RHPN2: variants seen among roughly 807,000 people sequenced by gnomAD.
The protein encoded by RHPN2 is rhophilin Rho GTPase binding protein 2.
In RHPN2, 40 loss-of-function variants were observed where a neutral mutation model predicts 79.0. The ratio of observed to expected loss-of-function variants is 0.51; its 90% CI spans 0.39 to 0.66. The LOEUF (loss-of-function observed/expected upper bound fraction) is 0.66. RHPN2 is among the 30% of genes least tolerant of loss of function. The probability of loss-of-function intolerance (pLI) is 0.00; values close to 1 mark genes in which losing one functional copy is unlikely to be tolerated. For synonymous variants in RHPN2, 285 were observed against 363.5 expected, an observed-to-expected ratio of 0.78 and a Z score of 2.46; for missense variants, 686 against 883.5, an observed-to-expected ratio of 0.78 and a Z score of 2.83.
chr19:33,044,325 G>A lies in RHPN2; in HGVS notation c.109C>T (p.Gln37Ter), dbSNP rs193052485. The change falls in exon 2 of 15, where the codon CAG becomes TAG. Residue 37 changes from glutamine (Q) to a stop codon, truncating the protein, a stop_gained. Coordinates refer to ENST00000254260, the MANE Select transcript of RHPN2 (RefSeq NM_033103.5). LOFTEE classifies it high-confidence loss of function. ...PLAQTGRSKL[Q>*]NQRAALNQQI... Reference sequence around the variant, plus strand: ...TGATTCAAAGCAGCTCTTTGATTCTGCAATTTACTCCGGCCGGTTTGTGCA... The same window carrying A: ...TGATTCAAAGCAGCTCTTTGATTCTACAATTTACTCCGGCCGGTTTGTGCA... 9 of 1,614,066 alleles carry A rather than the reference G, an allele frequency of 5.6e-6. No homozygotes were observed. In the Admixed American group the frequency reaches 8.3e-5, roughly 15 times the overall value.
chr19:33,016,769 G>A (rs1328295735), intron 4 of RHPN2, among the ~76,000 whole-genome samples: 4 of 152,302 alleles, frequency 2.6e-5, no homozygotes, highest in African/African-American at 4.8e-5. Flanking sequence ...ACACAAGTCA[G>A]ATTTGAAATG....
At chr19:33,016,059 C>CAAAG (rs141404474) in intron 4 of RHPN2, among the ~76,000 whole-genome samples, 2 of 151,540 alleles carry the variant, frequency 1.3e-5, no homozygotes, top group Non-Finnish European at 2.9e-5. Flanking sequence ...CAAAAACAAA[C>CAAAG]AAACAAACAA....
intron 7 of RHPN2, among the ~76,000 whole-genome samples, chr19:33,003,357 CAAAAAA>C (rs56166279): frequency 9.0e-5 from 6 of 66,618 alleles, no homozygotes; most frequent in Admixed American, 2.2e-4. Context: ...GACTCTGTCT[CAAAAAA>C]AAAAAAAAAA....
intron 2 of RHPN2, among the ~76,000 whole-genome samples, chr19:33,040,290 G>A (rs1331705799): frequency 5.6e-5 from 8 of 141,988 alleles, no homozygotes; most frequent in Admixed American, 2.9e-4. Flanking sequence ...TGGCTGGAGT[G>A]CAGTAGCGCG....
chr19:33,015,476 G>A (rs1209005378), intron 4 of RHPN2, among the ~76,000 whole-genome samples: 3 of 148,872 alleles, frequency 2.0e-5, no homozygotes, highest in Non-Finnish European at 4.4e-5. Context: ...GGGACAAAAT[G>A]AGAATTTCTA....
intron 12 of RHPN2, among the ~76,000 whole-genome samples, chr19:32,993,748 A>C (rs1297541789): frequency 1.3e-5 from 2 of 152,136 alleles, no homozygotes; most frequent in Non-Finnish European, 2.9e-5. Flanking sequence ...ACACAGGTAG[A>C]AGGCCCCACC....
intron 1 of RHPN2, among the ~76,000 whole-genome samples, chr19:33,050,830 C>G (rs985826283): frequency 1.3e-5 from 2 of 152,070 alleles, no homozygotes; most frequent in Admixed American, 6.6e-5. Context: ...AGGCACCCGC[C>G]ACCACACCCG....
intron 9 of RHPN2, among the ~76,000 whole-genome samples, chr19:33,000,729 C>T (rs894885016): frequency 2.6e-5 from 4 of 152,154 alleles, no homozygotes; most frequent in African/African-American, 9.7e-5. Flanking sequence ...TTCCCCAGCA[C>T]CCTCCGCCTC....
At chr19:32,981,965 C>T (rs1014747946) in intron 14 of RHPN2, among the ~76,000 whole-genome samples, 2 of 152,090 alleles carry the variant, frequency 1.3e-5, no homozygotes, top group Non-Finnish European at 1.5e-5. Flanking sequence ...CTGAAGACTT[C>T]CACATGGGCT....
At chr19:33,010,442 G>C (rs1021030380) in intron 6 of RHPN2, among the ~76,000 whole-genome samples, 1 of 151,168 alleles carries the variant, frequency 6.6e-6, no homozygotes, top group African/African-American at 2.4e-5. Flanking sequence ...GAGTGCAGTG[G>C]TGTGATCTTG....
At chr19:33,017,028 T>A (rs1305722266) in intron 4 of RHPN2, among the ~76,000 whole-genome samples, 1 of 152,172 alleles carries the variant, frequency 6.6e-6, no homozygotes, top group African/African-American at 2.4e-5. Flanking sequence ...CCCAGTTGAA[T>A]CCTTAAAAAT....
At position 32,978,871 on chromosome 19, in the gene RHPN2, GT is replaced by G. The variant is rs987798499; in HGVS notation, c.*1124del. The G allele has an allele frequency of 6.6e-6, 1 of 152,296 alleles. No individual in the cohort carries two copies. The highest frequency in any genetic ancestry group is 2.4e-5 in the African/African-American group (1 of 41,452). The allele number at this position is 152,296 out of a possible 1,614,324, so 9.4% of individuals were successfully genotyped here. On this transcript the variant is annotated 3_prime_UTR_variant, in exon 15 of 15. Transcript: ENST00000254260. ...TTTTAAAAAGTAAAATAGTGGGACG[GT>G]TGTGGTGGCTCATGCCTGTAATCCC... is the stretch of plus-strand genomic sequence containing the variant.
chr19:33,026,844 C>T (rs1412346126), intron 2 of RHPN2: 2 of 543,702 alleles, frequency 3.7e-6, no homozygotes, highest in African/African-American at 3.8e-5. Context: ...CAGGCAATGA[C>T]ACTGTGAGCT....
intron 6 of RHPN2, among the ~76,000 whole-genome samples, chr19:33,008,878 C>G (rs1172949964): frequency 2.6e-5 from 4 of 152,026 alleles, no homozygotes. Flanking sequence ...AAATATCTGA[C>G]GGGGTAACTG....
intron 11 of RHPN2, among the ~76,000 whole-genome samples, chr19:32,995,506 T>G (rs1359296130): frequency 1.3e-5 from 2 of 151,996 alleles, no homozygotes; most frequent in African/African-American, 4.8e-5. Flanking sequence ...ATAAGGCTGG[T>G]CAATTTCTAA....
rs193156560 is a variant in RHPN2 at position 33,048,420 on chromosome 19, C to G, written c.70-4056G>C. ...AACGGTTTCCAATTTTGTCTTTCTT[C>G]AGATTTAAGATTAAAATATCTTTGG... On this transcript the variant is annotated intron_variant, in intron 1 of 14. Coordinates refer to ENST00000254260, the MANE Select transcript of RHPN2 (RefSeq NM_033103.5). Among the ~76,000 whole-genome samples, 11 of 151,396 alleles carry G rather than the reference C, an allele frequency of 7.3e-5. No individual in the cohort carries two copies. In the East Asian group the frequency reaches 2.2e-3, roughly 30 times the overall value.
intron 2 of RHPN2, among the ~76,000 whole-genome samples, chr19:33,036,872 C>CT (rs1055358730): frequency 4.2e-5 from 6 of 143,468 alleles, no homozygotes; most frequent in African/African-American, 1.6e-4. Flanking sequence ...ATGCCTGAGC[C>CT]CCCCCGCCAC....
In RHPN2 at chr19:32,991,889, C is replaced by A. The variant is rs781570610; in HGVS notation, c.1578G>T (p.Leu526Phe). The A allele has an allele frequency of 6.2e-7, 1 of 1,613,982 alleles. No homozygotes were observed. Among genetic ancestry groups the A allele is most frequent in the Non-Finnish European group, 8.5e-7 (1 of 1,179,860 alleles). The change falls in exon 13 of 15, where the codon TTG (leucine) becomes TTT (phenylalanine). Residue 526 changes from leucine to phenylalanine, a missense_variant. Coordinates refer to ENST00000254260, the MANE Select transcript of RHPN2 (RefSeq NM_033103.5). ...GGGCGTTCCCTCTCAAGGTGAACCC[C>A]AAGTCCCCTTCTTCTGCAGTGAAGC... ...SIRFTAEEGD[L>F]GFTLRGNAPV...
At chr19:33,005,980 G>A (rs914605579) in intron 7 of RHPN2, among the ~76,000 whole-genome samples, 1 of 151,810 alleles carries the variant, frequency 6.6e-6, no homozygotes, top group African/African-American at 2.4e-5. Context: ...CACAACCTCG[G>A]CTGATCCTTC....
Sources: gnomAD v4.1 joint callset for allele counts (sites outside exome capture counted in the v4.1 genomes callset) on GRCh38, gnomAD v4.1.1 for gene constraint, MANE v1.5 for transcripts, NCBI Gene and HGNC (gene_info 2026-07-23, HGNC 2026-07-21) for gene names.